Variants in PANK4 observed in about 807,000 individuals in gnomAD.
PANK4 encodes 4'-phosphopantetheine phosphatase.
Under a neutral mutation model 87.9 loss-of-function variants are expected in PANK4, and 40 were observed. That is an observed-to-expected ratio of 0.46 (90% CI 0.35 to 0.59). PANK4 has a LOEUF of 0.59. Among genes scored for constraint, PANK4 ranks in the 20% least tolerant of loss-of-function variants. The probability of loss-of-function intolerance (pLI) is 0.00; values close to 1 mark genes in which losing one functional copy is unlikely to be tolerated. For synonymous variants in PANK4, 524 were observed against 467.4 expected (o/e 1.12, Z -1.56); for missense variants, 926 against 1,072.3 (o/e 0.86, Z 1.90).
In PANK4 at chr1:2,519,600, C is replaced by T. The variant is rs112840417; in HGVS notation, c.853+201G>A. Among the ~76,000 whole-genome samples, 4 of 152,226 alleles carry T rather than the reference C, an allele frequency of 2.6e-5. No individual in the cohort carries two copies. The highest frequency in any genetic ancestry group is 1.9e-4 in the East Asian group (1 of 5,202). Reference sequence around the variant, plus strand: ...CTATTTTTTCTTCCAAAACCAAGACCGTGGCGTTTATCTGCCGACGTTCTG... The same window carrying T: ...CTATTTTTTCTTCCAAAACCAAGACTGTGGCGTTTATCTGCCGACGTTCTG... On this transcript the variant is annotated intron_variant, in intron 6 of 18. Transcript: ENST00000378466. This position sits in a 1 kb window ranked among gnomAD's most constrained non-coding sequence, Gnocchi z 8.3.
rs1269068831 is a variant in PANK4 at position 2,526,517 on chromosome 1, G to C, written c.71C>G (p.Pro24Arg). The change falls in exon 1 of 19, where the codon CCC becomes CGC. Residue 24 changes from proline to arginine, a missense_variant. Pro to Arg is a moderately radical substitution (Grantham distance 103). Transcript: ENST00000378466. The part of the protein sequence containing the change: ...DSLDKSITLP[P>R]DEIFRNLENA... ...CTCCAGGTTGCGGAAGATCTCGTCG[G>C]GGGGCAGCGTGATGCTCTTGTCCAG... is the stretch of plus-strand genomic sequence containing the variant. The C allele has an allele frequency of 1.3e-6, 2 of 1,587,348 alleles. No homozygotes were observed. Among genetic ancestry groups the C allele is most frequent in the South Asian group, 1.1e-5 (1 of 88,510 alleles).
At chr1:2,518,434 C>T in intron 8 of PANK4, 82 bp downstream of exon 8, 1 of 1,282,946 alleles carries the variant, frequency 7.8e-7, no homozygotes, top group South Asian at 1.3e-5. Flanking sequence ...CACCTCCACC[C>T]TGGGCCGCCC....
chr1:2,509,108 C>G lies in PANK4; in HGVS notation c.2109-48G>C. The G allele has an allele frequency of 6.9e-7, 1 of 1,446,942 alleles. No homozygotes were observed. The highest frequency in any genetic ancestry group is 9.4e-7 in the Non-Finnish European group (1 of 1,059,534). The allele number at this position is 1,446,942 out of a possible 1,614,324, so 89.6% of individuals were successfully genotyped here. On this transcript the variant is annotated intron_variant, in intron 18 of 18. Transcript: ENST00000378466. The surrounding 1 kb of genome is among the most constrained non-coding windows in gnomAD (Gnocchi z 4.9). ...GAGACTGGGCAAGCAGACCCCAGAC[C>G]CCACTTCCCATACAGTGCGGCGACC...
At position 2,509,847 on chromosome 1, in the gene PANK4, A is replaced by C. The variant is rs774450241; in HGVS notation, c.2108+15T>G. ...AGCCCAGGAGGGAGAGAACAGGTGC[A>C]GGGTGCGGGGTTACCTGAGGTCGAG... On this transcript the variant is annotated intron_variant, in intron 18 of 18. Coordinates refer to ENST00000378466, the MANE Select transcript of PANK4 (RefSeq NM_018216.4). The surrounding 1 kb of genome is among the most constrained non-coding windows in gnomAD (Gnocchi z 4.9). The C allele has an allele frequency of 6.2e-6, 10 of 1,607,926 alleles. No homozygotes were observed. In the African/African-American group the frequency reaches 1.2e-4, roughly 19 times the overall value.
chr1:2,511,203 T>G (rs1472423617), intron 15 of PANK4, 135 bp downstream of exon 15: 2 of 691,808 alleles, frequency 2.9e-6, no homozygotes, highest in East Asian at 5.0e-5. Flanking sequence ...CTGAGACCCT[T>G]GGCTCGCAGG....
rs1216097418 is a variant in PANK4, at chr1:2,520,355, G to A, written c.666C>T (p.Phe222=). 1.9e-6 allele frequency: 3 copies of A among 1,612,848 alleles called. No individual in the cohort carries two copies. The highest frequency in any genetic ancestry group is 2.5e-6 in the Non-Finnish European group (3 of 1,179,982). Residue 222 remains phenylalanine (F), a synonymous_variant, in exon 5 of 19, where the codon TTC becomes TTT. Transcript: ENST00000378466. The surrounding 1 kb of genome is among the most constrained non-coding windows in gnomAD (Gnocchi z 6.2). ...TGGTGAGCAGAGCGCCAAGCCCCCA[G>A]AAGGTGCCGCCTCCAATGGAGCTGC... The part of the protein sequence containing the change: ...VGGSSIGGGT[F]WGLGALLTKT...
chr1:2,521,822 G>A, intron 1 of PANK4, 22 bp from the exon 2 acceptor site: 1 of 1,603,408 alleles, frequency 6.2e-7, no homozygotes, highest in Non-Finnish European at 8.5e-7. Context: ...ACACAAACCG[G>A]GCAGGATTCA....
In PANK4 at chr1:2,520,153, C is replaced by T. The variant is rs1299959434; in HGVS notation, c.699+169G>A. On this transcript the variant is annotated intron_variant, in intron 5 of 18. Transcript: ENST00000378466. The surrounding 1 kb of genome is among the most constrained non-coding windows in gnomAD (Gnocchi z 6.2). ...ATAGAAGCTCTGGGTTGCTGGGACA[C>T]CCAACCCTCAGGGCGCAAAGAGTGA... is the stretch of plus-strand genomic sequence containing the variant. 2.0e-5 allele frequency among the ~76,000 whole-genome samples: 3 copies of T among 152,214 alleles called. No homozygotes were observed. The highest frequency in any genetic ancestry group is 7.2e-5 in the African/African-American group (3 of 41,448).
rs188110632 is a variant in PANK4 at position 2,519,619 on chromosome 1, C to T, written c.853+182G>A. 8.5e-5 allele frequency among the ~76,000 whole-genome samples: 13 copies of T among 152,356 alleles called. No homozygotes were observed. Among genetic ancestry groups the T allele is most frequent in the African/African-American group, 2.4e-4 (10 of 41,592 alleles). ...CAAGACCGTGGCGTTTATCTGCCGACGTTCTGAGCAGTGGGCCTGAGCTGC... is the reference window on the plus strand; with the variant it reads ...CAAGACCGTGGCGTTTATCTGCCGATGTTCTGAGCAGTGGGCCTGAGCTGC... On this transcript the variant is annotated intron_variant, in intron 6 of 18. Transcript: ENST00000378466. The surrounding 1 kb of genome is among the most constrained non-coding windows in gnomAD (Gnocchi z 8.3).
At position 2,518,612 on chromosome 1, in the gene PANK4, G is replaced by A; in HGVS notation, c.1036-15C>T. On this transcript the variant is annotated splice_polypyrimidine_tract_variant and intron_variant, in intron 7 of 18. Transcript: ENST00000378466. ...TGCACTTCCCCCTGCCGTGGCCAAA[G>A]CACACGTGCTGCTGTTGGCCCCACA... is the stretch of plus-strand genomic sequence containing the variant. The A allele has an allele frequency of 6.4e-7, 1 of 1,557,438 alleles. No individual in the cohort carries two copies. The highest frequency in any genetic ancestry group is 8.7e-7 in the Non-Finnish European group (1 of 1,149,332).
rs893515338 is a variant in PANK4, at chr1:2,515,083, C to G, written c.1374+479G>C. Among the ~76,000 whole-genome samples, 6 of 152,152 alleles carry G rather than the reference C, an allele frequency of 3.9e-5. No individual in the cohort carries two copies. The highest frequency in any genetic ancestry group is 1.3e-4 in the Admixed American group (2 of 15,286). On this transcript the variant is annotated intron_variant, in intron 10 of 18. Coordinates refer to ENST00000378466, the MANE Select transcript of PANK4 (RefSeq NM_018216.4). The surrounding 1 kb of genome is among the most constrained non-coding windows in gnomAD (Gnocchi z 5.0). ...CGGGGCTCCCTGGCCCCGAGCTGAG[C>G]TCCTGAGGGGCAGCGTGGCCCAGGG...
chr1:2,521,668 A>G (rs1230805038), intron 2 of PANK4, 50 bp downstream of exon 2: 1 of 1,398,032 alleles, frequency 7.2e-7, no homozygotes, highest in Middle Eastern at 1.8e-4. Flanking sequence ...CAGGTCCAAG[A>G]CGACAGAGAA....
In PANK4 at chr1:2,510,492, C is replaced by T; in HGVS notation, c.1938+186G>A. Reference sequence around the variant, plus strand: ...CAGCACATGGACCCTCAGCCTGAGCCCAGGGGGCTCGGAGCCTCCACCCCA... The same window carrying T: ...CAGCACATGGACCCTCAGCCTGAGCTCAGGGGGCTCGGAGCCTCCACCCCA... On this transcript the variant is annotated intron_variant, in intron 16 of 18. Coordinates refer to ENST00000378466, the MANE Select transcript of PANK4 (RefSeq NM_018216.4). The surrounding 1 kb of genome is among the most constrained non-coding windows in gnomAD (Gnocchi z 4.9). 1.6e-6 allele frequency: 1 copy of T among 613,978 alleles called. No individual in the cohort carries two copies. The highest frequency in any genetic ancestry group is 2.9e-6 in the Non-Finnish European group (1 of 345,570). 38.0% of individuals were successfully genotyped at this position (613,978 alleles called of 1,614,324 possible). A position where few individuals can be genotyped will look rare whatever the true frequency, so the allele number is the denominator to read the frequency against.
At chr1:2,514,138 C>T (rs760267520) in intron 11 of PANK4, 49 bp from the exon 12 acceptor site, 37 of 1,456,700 alleles carry the variant, frequency 2.5e-5, no homozygotes, top group East Asian at 4.6e-5. Flanking sequence ...GCCGAACACC[C>T]GCCCGTCTGC....
chr1:2,519,217 A>C lies in PANK4; in HGVS notation c.961T>G (p.Phe321Val). The change falls in exon 7 of 19, where the codon TTT becomes GTT. Residue 321 changes from phenylalanine to valine, a missense_variant. By Grantham distance (50) the Phe-to-Val change is conservative. Transcript: ENST00000378466. The surrounding 1 kb of genome is among the most constrained non-coding windows in gnomAD (Gnocchi z 8.3). ...ARLHSLDRVY[F>V]GGFFIRGHPV... ...TGGCCCCGGATAAAGAAGCCTCCAAAGTACACGCGGTCCAGGCTGTGCAGC... is the reference window on the plus strand; with the variant it reads ...TGGCCCCGGATAAAGAAGCCTCCAACGTACACGCGGTCCAGGCTGTGCAGC... The C allele has an allele frequency of 6.2e-7, 1 of 1,612,800 alleles. No homozygotes were observed. The highest frequency in any genetic ancestry group is 8.5e-7 in the Non-Finnish European group (1 of 1,179,920).
chr1:2,521,193 G>A lies in PANK4; in HGVS notation c.330C>T (p.Asp110=), dbSNP rs745423439. The change falls in exon 3 of 19, where the codon GAC becomes GAT. Residue 110 remains aspartate, a synonymous_variant. Coordinates refer to ENST00000378466, the MANE Select transcript of PANK4 (RefSeq NM_018216.4). ...YIEACLDFIK[D]HLVNTETKVI... is the part of the protein sequence containing the mutation. Reference sequence around the variant, plus strand: ...CCTTGGTCTCTGTGTTGACGAGATGGTCTTTGATGAAGTCCAGGCAGGCTT... The same window carrying A: ...CCTTGGTCTCTGTGTTGACGAGATGATCTTTGATGAAGTCCAGGCAGGCTT... The A allele has an allele frequency of 1.9e-6, 3 of 1,613,984 alleles. No homozygotes were observed. Among genetic ancestry groups the A allele is most frequent in the East Asian group, 2.2e-5 (1 of 44,886 alleles).
At position 2,526,590 on chromosome 1, in the gene PANK4, T is replaced by G; in HGVS notation, c.-3A>C. ...CCGCTCGCTCCACACTCCGCCATTT[T>G]GAAAGTGCCCGGCCAGCTCATCAGC... is the stretch of plus-strand genomic sequence containing the variant. On this transcript the variant is annotated 5_prime_UTR_variant, in exon 1 of 19. Transcript: ENST00000378466. 6.3e-7 allele frequency: 1 copy of G among 1,599,638 alleles called. No homozygotes were observed. The highest frequency in any genetic ancestry group is 8.5e-7 in the Non-Finnish European group (1 of 1,173,788).
intron 10 of PANK4, 145 bp from the exon 11 acceptor site, chr1:2,514,611 G>GCCCA (rs1643729855): frequency 1.8e-6 from 1 of 544,966 alleles, no homozygotes. Flanking sequence ...TAGGAGGCCT[G>GCCCA]GTGCAGGGTG....
rs752153802 is a variant in PANK4 at position 2,510,076 on chromosome 1, C to A, written c.2020G>T (p.Gly674Cys). ...ESLIVAERIA[G>C]MDPVVHSALQ... ...ACTCACTGCACGACAGGGTCCATGC[C>A]CGCAATACGCTCTGCCACGATGAGG... Residue 674 changes from glycine to cysteine, a missense_variant, in exon 17 of 19, where the codon GGC becomes TGC. Physicochemically the swap from Gly to Cys is radical, Grantham distance 159 (BLOSUM62 -3). Coordinates refer to ENST00000378466, the MANE Select transcript of PANK4 (RefSeq NM_018216.4). The surrounding 1 kb of genome is among the most constrained non-coding windows in gnomAD (Gnocchi z 4.9). 2 of 1,610,506 alleles carry A rather than the reference C, an allele frequency of 1.2e-6. No individual in the cohort carries two copies. Among genetic ancestry groups the A allele is most frequent in the Non-Finnish European group, 1.7e-6 (2 of 1,178,828 alleles).
Sources: allele counts gnomAD v4.1 joint callset (sites outside exome capture counted in the v4.1 genomes callset), GRCh38; gene constraint gnomAD v4.1.1; non-coding constraint Gnocchi (gnomAD v3.1); transcripts MANE v1.5; gene names NCBI Gene and HGNC (gene_info 2026-07-23, HGNC 2026-07-21).